CCBE1: variants seen among roughly 807,000 people sequenced by gnomAD.
The protein encoded by CCBE1 is collagen and calcium binding EGF domains 1.
Under a neutral mutation model 50.0 loss-of-function variants are expected in CCBE1, and 37 were observed. The observed-to-expected ratio is 0.74, with a 90% CI of 0.57 to 0.97. CCBE1 has a LOEUF of 0.97. Among genes scored for constraint, CCBE1 ranks in the 50% least tolerant of loss-of-function variants. The probability of loss-of-function intolerance (pLI) is 0.00; values close to 1 mark genes in which losing one functional copy is unlikely to be tolerated. For missense variants in CCBE1, 538 were observed against 523.8 expected (o/e 1.03, Z -0.26); for synonymous variants, 234 against 203.7 (o/e 1.15, Z -1.27).
At chr18:59,513,281 C>T (rs1914214173) in intron 2 of CCBE1, among the ~76,000 whole-genome samples, 1 of 151,798 alleles carries the variant, frequency 6.6e-6, no homozygotes, top group African/African-American at 2.4e-5. Flanking sequence ...GCACTCTAAC[C>T]TGGGTGACAG....
chr18:59,520,612 GCC>G (rs1568184236), intron 2 of CCBE1, among the ~76,000 whole-genome samples: 5 of 152,190 alleles, frequency 3.3e-5, no homozygotes, highest in African/African-American at 7.2e-5. Flanking sequence ...GCTCATGTGC[GCC>G]TGCACACACA....
chr18:59,680,711 A>AAAAACAAAAC (rs540169724), intron 2 of CCBE1, among the ~76,000 whole-genome samples: 4 of 152,106 alleles, frequency 2.6e-5, no homozygotes, highest in African/African-American at 9.7e-5. Context: ...AAAAAAAAGA[A>AAAAACAAAAC]AAAACAAAAC....
chr18:59,503,781 C>T (rs1203210668), intron 2 of CCBE1, among the ~76,000 whole-genome samples: 1 of 152,130 alleles, frequency 6.6e-6, no homozygotes, highest in Non-Finnish European at 1.5e-5. Flanking sequence ...TACAACAGGC[C>T]CCACTTCACT....
At chr18:59,550,615 G>A (rs973046144) in intron 2 of CCBE1, among the ~76,000 whole-genome samples, 7 of 152,136 alleles carry the variant, frequency 4.6e-5, no homozygotes, top group African/African-American at 7.2e-5. Context: ...TGCCCAAACC[G>A]TGAGCCCTGT....
intron 2 of CCBE1, among the ~76,000 whole-genome samples, chr18:59,533,086 T>C (rs1598986348): frequency 6.6e-6 from 1 of 152,248 alleles, no homozygotes; most frequent in African/African-American, 2.4e-5. Flanking sequence ...GTTCTCTTTT[T>C]TCCCCCTCTT....
rs543788996 is a variant in CCBE1 at position 59,689,957 on chromosome 18, T to C, written c.212+6672A>G. The stretch of plus-strand genomic sequence containing the variant: ...TGTTGCTGAAAGGACACAGCTGGGC[T>C]ACCGGCAATTAAGATCTTAACCTCC... On this transcript the variant is annotated intron_variant, in intron 2 of 10. Coordinates refer to ENST00000439986, the MANE Select transcript of CCBE1 (RefSeq NM_133459.4). Among the ~76,000 whole-genome samples the C allele has an allele frequency of 1.1e-4, 16 of 152,286 alleles. No individual in the cohort carries two copies. The South Asian group carries it at 3.3e-3, about 32-fold the overall frequency.
intron 3 of CCBE1, among the ~76,000 whole-genome samples, chr18:59,475,284 A>C (rs2143754702): frequency 6.6e-6 from 1 of 152,342 alleles, no homozygotes; most frequent in African/African-American, 2.4e-5. Context: ...CTGCCAGGCT[A>C]ACCTTCCCAA....
rs1297567665 is a variant in CCBE1, at chr18:59,476,685, AAAC to A, written c.265+3498_265+3500del. 6.6e-5 allele frequency among the ~76,000 whole-genome samples: 10 copies of A among 152,372 alleles called. No individual in the cohort carries two copies. In the East Asian group the frequency reaches 1.9e-3, roughly 29 times the overall value. On this transcript the variant is annotated intron_variant, in intron 3 of 10. Coordinates refer to ENST00000439986, the MANE Select transcript of CCBE1 (RefSeq NM_133459.4). Reference sequence around the variant, plus strand: ...GCAAATACGAGGCAGCAACGCTTAAAAACTATAGCTTCCACTCATTAGTTAACG... The same window carrying A: ...GCAAATACGAGGCAGCAACGCTTAAATATAGCTTCCACTCATTAGTTAACG...
At chr18:59,471,280 T>G (rs1185297704) in intron 3 of CCBE1, among the ~76,000 whole-genome samples, 2 of 152,244 alleles carry the variant, frequency 1.3e-5, no homozygotes, top group Non-Finnish European at 2.9e-5. Flanking sequence ...TATACTCACT[T>G]CTGCATCTCT....
chr18:59,517,052 T>C (rs959090900), intron 2 of CCBE1, among the ~76,000 whole-genome samples: 7 of 152,156 alleles, frequency 4.6e-5, no homozygotes, highest in Admixed American at 1.3e-4. Flanking sequence ...CCACACAATA[T>C]AGAAGCATGG....
chr18:59,676,233 A>G (rs1055554574), intron 2 of CCBE1, among the ~76,000 whole-genome samples: 6 of 152,198 alleles, frequency 3.9e-5, no homozygotes, highest in African/African-American at 1.4e-4. Context: ...ATGCTTGGAA[A>G]AAGCTTCTCT....
rs184089337 is a variant in CCBE1 at position 59,489,378 on chromosome 18, C to A, written c.213-9140G>T. On this transcript the variant is annotated intron_variant, in intron 2 of 10. Coordinates refer to ENST00000439986, the MANE Select transcript of CCBE1 (RefSeq NM_133459.4). The stretch of plus-strand genomic sequence containing the variant: ...CCCCAAGGGGCTTTGGAGACAAGAA[C>A]CCTGGAATGATTAACTTTCTTATTT... Among the ~76,000 whole-genome samples, 497 of 152,220 alleles carry A rather than the reference C, an allele frequency of 3.3e-3. 2 individuals carry two copies. Among genetic ancestry groups the A allele is most frequent in the Non-Finnish European group, 5.5e-3 (373 of 67,998 alleles).
At chr18:59,479,130 T>C (rs1430089952) in intron 3 of CCBE1, among the ~76,000 whole-genome samples, 1 of 152,244 alleles carries the variant, frequency 6.6e-6, no homozygotes, top group Non-Finnish European at 1.5e-5. Flanking sequence ...TATAGAGATC[T>C]GGCTTCTTGG....
chr18:59,619,183 G>C (rs531945851), intron 2 of CCBE1, among the ~76,000 whole-genome samples: 1 of 152,148 alleles, frequency 6.6e-6, no homozygotes, highest in South Asian at 2.1e-4. Context: ...ATGTTTACTT[G>C]AATGCTAAAA....
chr18:59,528,069 T>A (rs1168347856), intron 2 of CCBE1, among the ~76,000 whole-genome samples: 1 of 152,224 alleles, frequency 6.6e-6, no homozygotes, highest in Non-Finnish European at 1.5e-5. Flanking sequence ...TCCTGGAGTA[T>A]GTTTTCCAAC....
chr18:59,483,520 AC>A (rs1417136236), intron 2 of CCBE1, among the ~76,000 whole-genome samples: 1 of 152,230 alleles, frequency 6.6e-6, no homozygotes, highest in Non-Finnish European at 1.5e-5. Flanking sequence ...TTGCTGCACT[AC>A]AATTTGGTCT....
chr18:59,490,524 T>C (rs1913050439), intron 2 of CCBE1, among the ~76,000 whole-genome samples: 1 of 152,202 alleles, frequency 6.6e-6, no homozygotes, highest in African/African-American at 2.4e-5. Context: ...GGCTTGGCAA[T>C]GGCTTCAGAA....
chr18:59,647,694 G>A (rs1476513033), intron 2 of CCBE1, among the ~76,000 whole-genome samples: 1 of 152,108 alleles, frequency 6.6e-6, no homozygotes, highest in Non-Finnish European at 1.5e-5. Context: ...ATCAAAATGT[G>A]CAATGTTCAT....
intron 2 of CCBE1, among the ~76,000 whole-genome samples, chr18:59,604,543 CTAAG>C (rs1270984811): frequency 3.3e-5 from 5 of 152,286 alleles, no homozygotes; most frequent in Admixed American, 2.0e-4. Flanking sequence ...AGCCAACATA[CTAAG>C]TAAGTGGCTA....
Sources: allele counts gnomAD v4.1 joint callset (sites outside exome capture counted in the v4.1 genomes callset), GRCh38; gene constraint gnomAD v4.1.1; transcripts MANE v1.5; gene names NCBI Gene and HGNC (gene_info 2026-07-23, HGNC 2026-07-21).